Variants in ANKMY1 observed in about 807,000 individuals in gnomAD.
ANKMY1 encodes ankyrin repeat and MYND domain containing 1.
ANKMY1 carries 98 observed loss-of-function variants against 102.0 expected under a neutral mutation model. The observed-to-expected ratio is 0.96, with a 90% CI of 0.82 to 1.14. The LOEUF is 1.14. Among genes scored for constraint, ANKMY1 ranks in the 50% most tolerant of loss-of-function variants. The pLI is 0.00. For synonymous variants in ANKMY1, 582 were observed against 559.9 expected (o/e 1.04, Z -0.56); for missense variants, 1,330 against 1,347.6 (o/e 0.99, Z 0.20).
the ANKMY1 span, among the ~76,000 whole-genome samples, chr2:240,472,554 A>G: frequency 6.6e-6 from 1 of 152,154 alleles, no homozygotes; most frequent in Non-Finnish European, 1.5e-5. Context: ...CTTGTCCCAG[A>G]GCTAGCCCTG....
At chr2:240,556,023 T>C (rs1261259690) in intron 2 of ANKMY1, among the ~76,000 whole-genome samples, 1 of 152,218 alleles carries the variant, frequency 6.6e-6, no homozygotes, top group Non-Finnish European at 1.5e-5. Flanking sequence ...GAGGGTCCTC[T>C]TCCTGGCCTG....
intron 12 of ANKMY1, 83 bp from the exon 13 acceptor site, chr2:240,507,774 C>T (rs2079354375): frequency 6.9e-7 from 1 of 1,453,872 alleles, no homozygotes; most frequent in Non-Finnish European, 9.1e-7. Context: ...TGGGCCACTC[C>T]AGAACTAACC....
intron 13 of ANKMY1, among the ~76,000 whole-genome samples, chr2:240,505,460 T>A (rs1337997308): frequency 2.0e-5 from 3 of 148,432 alleles, no homozygotes; most frequent in Admixed American, 6.7e-5. Flanking sequence ...AGACTCTGAC[T>A]CAAAAAAAAA....
At chr2:240,487,027 G>C (rs865834495) in intron 15 of ANKMY1, among the ~76,000 whole-genome samples, 1 of 152,112 alleles carries the variant, frequency 6.6e-6, no homozygotes, top group Non-Finnish European at 1.5e-5. Context: ...ATACATTTTT[G>C]TTAAGTATAG....
At chr2:240,515,381 A>G (rs547879448) in intron 9 of ANKMY1, among the ~76,000 whole-genome samples, 8 of 152,052 alleles carry the variant, frequency 5.3e-5, no homozygotes, top group Non-Finnish European at 8.8e-5. Flanking sequence ...CTAAAAATAC[A>G]AAAATTAGCT....
At chr2:240,482,575 G>T (rs947662076) in intron 15 of ANKMY1, among the ~76,000 whole-genome samples, 1 of 152,206 alleles carries the variant, frequency 6.6e-6, no homozygotes, top group African/African-American at 2.4e-5. Context: ...TCTTAAACTT[G>T]TTATTTAGAC....
rs150964422 is a variant in ANKMY1, at chr2:240,520,315, G to C, written c.2004+47C>G. 8.7e-6 allele frequency: 13 copies of C among 1,499,636 alleles called. No individual in the cohort carries two copies. Among genetic ancestry groups the C allele is most frequent in the Non-Finnish European group, 1.2e-5 (13 of 1,118,402 alleles). 92.9% of individuals were successfully genotyped at this position (1,499,636 alleles called of 1,614,324 possible). ...GCGAGGAGCTTCCCGGCCAGTGCCC[G>C]GGAGTCTGCTGCGCTCGTCCCGGCG... On this transcript the variant is annotated intron_variant, in intron 9 of 17. Coordinates refer to ENST00000401804, the MANE Select transcript of ANKMY1 (RefSeq NM_001282771.3). This position sits in a 1 kb window ranked among gnomAD's most constrained non-coding sequence, Gnocchi z 4.8.
In ANKMY1 at chr2:240,520,347, C is replaced by T. The variant is rs1468850930; in HGVS notation, c.2004+15G>A. The T allele has an allele frequency of 1.3e-6, 2 of 1,521,938 alleles. No individual in the cohort carries two copies. The highest frequency in any genetic ancestry group is 1.4e-5 in the African/African-American group (1 of 72,164). 94.3% of individuals were successfully genotyped at this position (1,521,938 alleles called of 1,614,324 possible). A position where few individuals can be genotyped will look rare whatever the true frequency, so the allele number is the denominator to read the frequency against. On this transcript the variant is annotated intron_variant, in intron 9 of 17. Transcript: ENST00000401804. This position sits in a 1 kb window ranked among gnomAD's most constrained non-coding sequence, Gnocchi z 4.8. The stretch of plus-strand genomic sequence containing the variant: ...TGCTGCGCTCGTCCCGGCGCCCGCC[C>T]GCCGCGGCTCCTACCTGCGGCGGAA...
chr2:240,550,154 G>A (rs1176834269), intron 4 of ANKMY1, among the ~76,000 whole-genome samples: 2 of 151,682 alleles, frequency 1.3e-5, no homozygotes, highest in East Asian at 3.9e-4. Context: ...AAGAAAATGT[G>A]GCATATATAC....
rs757455774 is a variant in ANKMY1 at position 240,554,998 on chromosome 2, C to T, written c.204G>A (p.Ala68=). The T allele has an allele frequency of 4.3e-6, 7 of 1,614,074 alleles. No homozygotes were observed. Among genetic ancestry groups the T allele is most frequent in the South Asian group, 1.1e-5 (1 of 91,094 alleles). ...EEEEAEGPLR[A]QDLRESYIQL... is the part of the protein sequence containing the mutation. ...GGATGTAGGACTCCCTCAGGTCCTG[C>T]GCCCTCAGCGGGCCCTCAGCTTCCT... Residue 68 remains alanine, a synonymous_variant, in exon 3 of 18, where the codon GCG becomes GCA. Transcript: ENST00000401804.
At chr2:240,560,946 G>A (rs1384733466), upstream of ANKMY1, 14 of 1,527,206 alleles carry the variant, frequency 9.2e-6, no homozygotes, top group Admixed American at 2.1e-5. Context: ...CACGTGCGCC[G>A]CCATGGAGGC....
At chr2:240,523,598 A>G in intron 8 of ANKMY1, 1 of 497,546 alleles carries the variant, frequency 2.0e-6, no homozygotes. Context: ...GAGACACTTC[A>G]GGCCAGTGCC....
intron 15 of ANKMY1, among the ~76,000 whole-genome samples, chr2:240,484,831 C>T (rs774515143): frequency 3.3e-5 from 5 of 152,034 alleles, no homozygotes; most frequent in Non-Finnish European, 5.9e-5. Context: ...CAAGAATCTA[C>T]AAAGAAGTAA....
At chr2:240,549,339 C>T (rs1308569944) in intron 4 of ANKMY1, among the ~76,000 whole-genome samples, 201 of 150,330 alleles carry the variant, frequency 1.3e-3, no homozygotes, top group Non-Finnish European at 2.4e-3. Context: ...TGGATCCCTT[C>T]CTTACACCTT....
rs1259943650 is a variant in ANKMY1, at chr2:240,542,675, T to C, written c.480+10239A>G. ...GAGTTCCAAGGTAAGAGCTATTGAA[T>C]CTTTGTATCTGTGTGTGTGTATACA... On this transcript the variant is annotated intron_variant, in intron 4 of 17. Transcript: ENST00000401804. Among the ~76,000 whole-genome samples the C allele has an allele frequency of 3.3e-5, 5 of 150,626 alleles. 1 individual carries two copies. The highest frequency in any genetic ancestry group is 2.0e-4 in the Admixed American group (3 of 15,050).
At chr2:240,538,169 C>T (rs1050272578) in intron 4 of ANKMY1, among the ~76,000 whole-genome samples, 15 of 152,262 alleles carry the variant, frequency 9.9e-5, no homozygotes, top group African/African-American at 3.6e-4. Flanking sequence ...ACTCCGCGTC[C>T]GCTCCCGCCG....
At chr2:240,548,744 T>G (rs55711457) in intron 4 of ANKMY1, among the ~76,000 whole-genome samples, 1 of 150,100 alleles carries the variant, frequency 6.7e-6, no homozygotes, top group Non-Finnish European at 1.5e-5. Context: ...AGCCAAATCA[T>G]GAGTGAACTC....
chr2:240,469,303 G>A, the ANKMY1 span, among the ~76,000 whole-genome samples: 10 of 152,296 alleles, frequency 6.6e-5, no homozygotes, highest in East Asian at 5.8e-4. Context: ...AGGGGCACCC[G>A]GCTGGTCTCA....
chr2:240,540,699 C>A (rs77989902), intron 4 of ANKMY1, among the ~76,000 whole-genome samples: 357 of 152,340 alleles, frequency 2.3e-3, no homozygotes, highest in African/African-American at 8.4e-3. Context: ...AAGCCTTCTT[C>A]TTTTGCAATA....
Sources: allele counts gnomAD v4.1 joint callset (sites outside exome capture counted in the v4.1 genomes callset), GRCh38; gene constraint gnomAD v4.1.1; non-coding constraint Gnocchi (gnomAD v3.1); transcripts MANE v1.5; gene names NCBI Gene and HGNC (gene_info 2026-07-23, HGNC 2026-07-21).